The following ROBO1 variants were observed in gnomAD, a reference collection of about 807,000 sequenced individuals.
ROBO1 encodes roundabout homolog 1.
A neutral mutation model predicts 195.9 loss-of-function variants in ROBO1; 149 were observed. The observed-to-expected ratio is 0.76, with a 90% confidence interval of 0.67 to 0.87. The LOEUF is 0.87. Ranked by LOEUF, ROBO1 falls within the 40% of genes least tolerant of loss-of-function variation. The probability of loss-of-function intolerance (pLI) is 0.00; values close to 1 mark genes in which losing one functional copy is unlikely to be tolerated. For missense variants in ROBO1, 1,933 were observed against 2,068.3 expected (o/e 0.93, Z 1.27); for synonymous variants, 816 against 733.2 (o/e 1.11, Z -1.82).
At chr3:79,558,172 C>A (rs1017849239) in intron 2 of ROBO1, among the ~76,000 whole-genome samples, 2 of 152,068 alleles carry the variant, frequency 1.3e-5, no homozygotes, top group Non-Finnish European at 2.9e-5. Flanking sequence ...AAAATTTACA[C>A]CAAGTGTGCC....
intron 2 of ROBO1, among the ~76,000 whole-genome samples, chr3:79,356,314 C>T (rs2035553318): frequency 6.6e-6 from 1 of 152,158 alleles, no homozygotes; most frequent in Non-Finnish European, 1.5e-5. Context: ...ACCCTCCAGC[C>T]TGTGTGTCAG....
intron 2 of ROBO1, among the ~76,000 whole-genome samples, chr3:79,150,828 C>G (rs1278449552): frequency 6.6e-6 from 1 of 151,702 alleles, no homozygotes; most frequent in Non-Finnish European, 1.5e-5. Flanking sequence ...ACATACACAC[C>G]AAATCTCACT....
chr3:79,159,880 G>A (rs750222827), intron 2 of ROBO1, among the ~76,000 whole-genome samples: 1 of 151,986 alleles, frequency 6.6e-6, no homozygotes, highest in African/African-American at 2.4e-5. Flanking sequence ...GCATGATGAG[G>A]CTTTTACTAA....
intron 1 of ROBO1, among the ~76,000 whole-genome samples, chr3:79,630,996 C>T (rs1433669812): frequency 6.6e-6 from 1 of 151,766 alleles, no homozygotes; most frequent in African/African-American, 2.4e-5. Flanking sequence ...AATGGAAAAC[C>T]ATCCCATGTT....
intron 2 of ROBO1, among the ~76,000 whole-genome samples, chr3:79,570,591 A>G (rs189338582): frequency 6.6e-6 from 1 of 152,158 alleles, no homozygotes; most frequent in Non-Finnish European, 1.5e-5. Flanking sequence ...AATTATTATA[A>G]ATTGTAAAAA....
At chr3:79,513,559 C>T (rs954268893) in intron 2 of ROBO1, among the ~76,000 whole-genome samples, 3 of 152,110 alleles carry the variant, frequency 2.0e-5, no homozygotes, top group African/African-American at 4.8e-5. Flanking sequence ...AGACTCACTA[C>T]ATAACTGAGA....
intron 3 of ROBO1, among the ~76,000 whole-genome samples, chr3:79,044,083 G>A (rs965215865): frequency 2.7e-5 from 4 of 150,882 alleles, no homozygotes; most frequent in Non-Finnish European, 5.9e-5. Flanking sequence ...AATTGTCTTG[G>A]GTCACACAAA....
At chr3:78,983,132 A>G (rs1348250200) in intron 3 of ROBO1, among the ~76,000 whole-genome samples, 2 of 151,940 alleles carry the variant, frequency 1.3e-5, no homozygotes, top group Non-Finnish European at 2.9e-5. Flanking sequence ...TAGTCTTGAA[A>G]CTCCTGAAAT....
intron 10 of ROBO1, among the ~76,000 whole-genome samples, chr3:78,684,344 T>G (rs1382089637): frequency 6.6e-6 from 1 of 152,144 alleles, no homozygotes; most frequent in African/African-American, 2.4e-5. Flanking sequence ...GAATCAATGA[T>G]GATAAAAGTC....
At chr3:79,406,305 G>A (rs775489837) in intron 2 of ROBO1, among the ~76,000 whole-genome samples, 15 of 151,332 alleles carry the variant, frequency 9.9e-5, no homozygotes, top group South Asian at 2.1e-4. Flanking sequence ...GTACATGTCC[G>A]TAGTCCCATA....
intron 2 of ROBO1, among the ~76,000 whole-genome samples, chr3:79,523,413 A>G (rs975031145): frequency 2.0e-5 from 3 of 150,276 alleles, no homozygotes; most frequent in African/African-American, 7.4e-5. Context: ...TGAAAAAAAA[A>G]TTGTTCACCA....
At chr3:78,865,950 C>A (rs899516628) in intron 4 of ROBO1, among the ~76,000 whole-genome samples, 1 of 151,962 alleles carries the variant, frequency 6.6e-6, no homozygotes, top group East Asian at 1.9e-4. Context: ...ACATAGCTCT[C>A]GAATAGAGGA....
intron 2 of ROBO1, among the ~76,000 whole-genome samples, chr3:79,441,486 A>G (rs78209569): frequency 0.017 from 2,599 of 152,222 alleles, 31 homozygotes; most frequent in Admixed American, 0.028. Context: ...TGTTTTTGCA[A>G]TGTCTTTTGG....
intron 1 of ROBO1, among the ~76,000 whole-genome samples, chr3:79,706,637 C>T (rs529290930): frequency 6.6e-6 from 1 of 152,106 alleles, no homozygotes; most frequent in African/African-American, 2.4e-5. Flanking sequence ...AAACAAGTCT[C>T]ATGTGATCTG....
intron 5 of ROBO1, among the ~76,000 whole-genome samples, chr3:78,735,662 A>G (rs994725636): frequency 6.6e-6 from 1 of 152,202 alleles, no homozygotes; most frequent in African/African-American, 2.4e-5. Flanking sequence ...ATATATTTAA[A>G]ATACTATTTT....
chr3:78,897,514 A>G (rs2037309190), intron 4 of ROBO1, among the ~76,000 whole-genome samples: 1 of 152,178 alleles, frequency 6.6e-6, no homozygotes, highest in Non-Finnish European at 1.5e-5. Flanking sequence ...AAAAACAGTT[A>G]ATTACAATCT....
At chr3:79,585,492 A>T (rs1033436274) in intron 2 of ROBO1, among the ~76,000 whole-genome samples, 1 of 152,032 alleles carries the variant, frequency 6.6e-6, no homozygotes, top group Non-Finnish European at 1.5e-5. Flanking sequence ...GATGAAAATA[A>T]CAAGAAACAT....
intron 2 of ROBO1, among the ~76,000 whole-genome samples, chr3:79,279,140 C>T (rs1186311235): frequency 6.6e-6 from 1 of 151,884 alleles, no homozygotes; most frequent in Non-Finnish European, 1.5e-5. Context: ...GTGGTGGGTG[C>T]CTGTAATCCC....
At chr3:79,443,382 C>T (rs538883602) in intron 2 of ROBO1, among the ~76,000 whole-genome samples, 5 of 152,146 alleles carry the variant, frequency 3.3e-5, no homozygotes, top group Admixed American at 2.0e-4. Context: ...TTAACTATCT[C>T]GGTTAAATGG....
Sources: gnomAD v4.1 joint callset for allele counts (sites outside exome capture counted in the v4.1 genomes callset) on GRCh38, gnomAD v4.1.1 for gene constraint, MANE v1.5 for transcripts, NCBI Gene and HGNC (gene_info 2026-07-23, HGNC 2026-07-21) for gene names.